CC2D1B: variants seen among roughly 807,000 people sequenced by gnomAD.
CC2D1B encodes coiled-coil and C2 domain-containing protein 1B.
In CC2D1B, 92 loss-of-function variants were observed where a neutral mutation model predicts 110.8. The ratio of observed to expected loss-of-function variants is 0.83; its 90% CI spans 0.70 to 0.99. The LOEUF (loss-of-function observed/expected upper bound fraction) is 0.99, where lower values mean the gene tolerates loss of function less well. Ranked by LOEUF, CC2D1B falls within the 50% of genes least tolerant of loss-of-function variation. The probability of loss-of-function intolerance (pLI) is 0.00; values close to 1 mark genes in which losing one functional copy is unlikely to be tolerated. For missense variants in CC2D1B, 1,136 were observed against 1,089.0 expected, an observed-to-expected ratio of 1.04 and a Z score of -0.61; for synonymous variants, 406 against 429.2, an observed-to-expected ratio of 0.95 and a Z score of 0.67.
Position 52,354,672 on chromosome 1 carries a change from A to G in CC2D1B, c.2366T>C (p.Val789Ala), listed in dbSNP as rs1646605341. 1.2e-6 allele frequency: 2 copies of G among 1,614,162 alleles called. No individual in the cohort carries two copies. The highest frequency in any genetic ancestry group is 1.7e-6 in the Non-Finnish European group (2 of 1,180,040). ...KGSFFRSDKL[V>A]GTAHLKLERL... The stretch of plus-strand genomic sequence containing the variant: ...CTCCAGTTTCAGGTGTGCTGTGCCA[A>G]CCAGCTTGTCGCTTCTGAAGAAGGA... The change falls in exon 23 of 25, where the codon GTT (valine) becomes GCT (alanine). Residue 789 changes from valine to alanine, a missense_variant. By Grantham distance (64) the Val-to-Ala change is moderately conservative. Transcript: ENST00000284376.
In CC2D1B at chr1:52,354,338, TCA is replaced by T. The variant is rs1646594672; in HGVS notation, c.2430+268_2430+269del. On this transcript the variant is annotated intron_variant, in intron 23 of 24. Transcript: ENST00000284376. The stretch of plus-strand genomic sequence containing the variant: ...TCTCGGACCTGAGTTTCCTCATTTG[TCA>T]GAGGCAAGGTCGTATAGTCCTTGCC... 6 of 646,436 alleles carry T rather than the reference TCA, an allele frequency of 9.3e-6. No homozygotes were observed. In the East Asian group the frequency reaches 1.9e-4, roughly 20 times the overall value. The allele number at this position is 646,436 out of a possible 1,614,324, so 40.0% of individuals were successfully genotyped here. A position where few individuals can be genotyped will look rare whatever the true frequency, so the allele number is the denominator to read the frequency against.
chr1:52,353,936 G>T, intron 23 of CC2D1B: 1 of 320,652 alleles, frequency 3.1e-6, no homozygotes. Context: ...ACATTGGCTT[G>T]AAGAAGCAGC....
chr1:52,354,349 G>A lies in CC2D1B; in HGVS notation c.2430+259C>T, dbSNP rs140567182. The stretch of plus-strand genomic sequence containing the variant: ...AGTTTCCTCATTTGTCAGAGGCAAG[G>A]TCGTATAGTCCTTGCCTGTGGAATC... On this transcript the variant is annotated intron_variant, in intron 23 of 24. Transcript: ENST00000284376. The A allele has an allele frequency of 7.5e-3, 4,997 of 664,538 alleles. 47 individuals are homozygous for A. Among genetic ancestry groups the A allele is most frequent in the South Asian group, 0.021 (1,390 of 66,440 alleles). 41.2% of individuals were successfully genotyped at this position (664,538 alleles called of 1,614,324 possible). A position where few individuals can be genotyped will look rare whatever the true frequency, so the allele number is the denominator to read the frequency against.
In CC2D1B at chr1:52,360,796, C is replaced by A. The variant is rs113832140; in HGVS notation, c.477+178G>T. 60 of 911,512 alleles carry A rather than the reference C, an allele frequency of 6.6e-5. No individual in the cohort carries two copies. The South Asian group carries it at 8.4e-4, about 13-fold the overall frequency. 56.5% of individuals were successfully genotyped at this position (911,512 alleles called of 1,614,324 possible). A position where few individuals can be genotyped will look rare whatever the true frequency, so the allele number is the denominator to read the frequency against. ...GGGGTAGTCTAGGAGAACAGAGAGG[C>A]CTTTGAGGCTGGCTGCCACGGAGGA... On this transcript the variant is annotated intron_variant, in intron 5 of 24. Coordinates refer to ENST00000284376, the MANE Select transcript of CC2D1B (RefSeq NM_001330585.2).
chr1:52,358,091 A>T, intron 13 of CC2D1B, 193 bp from the exon 14 acceptor site: 1 of 917,964 alleles, frequency 1.1e-6, no homozygotes, highest in Non-Finnish European at 1.6e-6. Flanking sequence ...TAACCTCCCC[A>T]GCAGGAGAGA....
rs150301377 is a variant in CC2D1B at position 52,359,444 on chromosome 1, A to C, written c.1018+15T>G. 1.7e-4 allele frequency: 278 copies of C among 1,613,968 alleles called. 1 individual carries two copies. In the African/African-American group the frequency reaches 3.0e-3, roughly 17 times the overall value. ...CTCCCCAACCCCACCGCAGCCTGAGAAGATACATACTGACCCTCAGGTGCC... is the reference window on the plus strand; with the variant it reads ...CTCCCCAACCCCACCGCAGCCTGAGCAGATACATACTGACCCTCAGGTGCC... On this transcript the variant is annotated intron_variant, in intron 9 of 24. Transcript: ENST00000284376.
Position 52,354,877 on chromosome 1 carries a change from G to C in CC2D1B, c.2302C>G (p.Gln768Glu). ...RNHRGFKRVI[Q>E]SKGIKFEIFH... ...ATCTCAAACTTGATGCCTTTGCTCT[G>C]GATCACCCTCTTGAAGCCCCGGTGG... Residue 768 changes from glutamine (Q) to glutamate (E), a missense_variant, in exon 22 of 25, where the codon CAG becomes GAG. Transcript: ENST00000284376. 1 of 1,614,212 alleles carries C rather than the reference G, an allele frequency of 6.2e-7. No individual in the cohort carries two copies. The highest frequency in any genetic ancestry group is 8.5e-7 in the Non-Finnish European group (1 of 1,180,048).
At position 52,357,059 on chromosome 1, in the gene CC2D1B, GA is replaced by G; in HGVS notation, c.1819del (p.Ser607ProfsTer72). On this transcript the variant is annotated frameshift_variant, in exon 16 of 25. Coordinates refer to ENST00000284376, the MANE Select transcript of CC2D1B (RefSeq NM_001330585.2). LOFTEE classifies it high-confidence loss of function. ...GGCATACACCTCCTCCGCCTTCTGG[GA>G]GAGTCGCAGGTCCTCATGGTGGATG... Reference protein sequence around the residue: ...ILIHHEDLRLSQKAEEVYAQL... With the variant: ...ILIHHEDLRLXQKAEEVYAQL... 6.2e-7 allele frequency: 1 copy of G among 1,607,494 alleles called. No individual in the cohort carries two copies. The highest frequency in any genetic ancestry group is 8.5e-7 in the Non-Finnish European group (1 of 1,177,018).
Position 52,363,123 on chromosome 1 carries a change from G to A in CC2D1B, c.70-377C>T, listed in dbSNP as rs187909536. 5.1e-3 allele frequency among the ~76,000 whole-genome samples: 783 copies of A among 152,118 alleles called. 2 individuals are homozygous for A. The highest frequency in any genetic ancestry group is 7.3e-3 in the Non-Finnish European group (494 of 67,982). On this transcript the variant is annotated intron_variant, in intron 2 of 24. Transcript: ENST00000284376. ...AAGGTCCTATTTTTTGGCCAGGCGC[G>A]GTGGCTCACGCCTGTAATCCCAGCA...
At chr1:52,359,379 T>G in intron 9 of CC2D1B, 22 bp from the exon 10 acceptor site, 1 of 1,612,886 alleles carries the variant, frequency 6.2e-7, no homozygotes, top group Non-Finnish European at 8.5e-7. Flanking sequence ...AGAGTAGAGG[T>G]GTAGGTGGGA....
At chr1:52,354,768 G>A in intron 22 of CC2D1B, 70 bp from the exon 23 acceptor site, 1 of 1,595,812 alleles carries the variant, frequency 6.3e-7, no homozygotes, top group South Asian at 1.1e-5. Flanking sequence ...CTGAGCCCAT[G>A]CAGGGGCAGC....
chr1:52,354,725 T>C, intron 22 of CC2D1B, 27 bp from the exon 23 acceptor site: 6 of 1,612,658 alleles, frequency 3.7e-6, no homozygotes, highest in Admixed American at 1.7e-5. Context: ...CAGCAGAGGA[T>C]TGGACTGGGC....
chr1:52,355,502 A>G, intron 20 of CC2D1B, 53 bp from the exon 21 acceptor site: 3 of 1,610,018 alleles, frequency 1.9e-6, no homozygotes, highest in East Asian at 2.2e-5. Context: ...AGAGGCACAC[A>G]GGGCAGGCAC....
In CC2D1B at chr1:52,356,211, C is replaced by CA. The variant is rs762503912; in HGVS notation, c.2028dup (p.Glu677Ter). The CA allele has an allele frequency of 7.3e-7, 1 of 1,373,240 alleles. No individual in the cohort carries two copies. Among genetic ancestry groups the CA allele is most frequent in the South Asian group, 1.2e-5 (1 of 86,764 alleles). 85.1% of individuals were successfully genotyped at this position (1,373,240 alleles called of 1,614,324 possible). On this transcript the variant is annotated frameshift_variant, in exon 18 of 25. Coordinates refer to ENST00000284376, the MANE Select transcript of CC2D1B (RefSeq NM_001330585.2). LOFTEE classifies it high-confidence loss of function. Reference sequence around the variant, plus strand: ...CTCACAGTCTGGAATGTCTTCAACTCAAAGTGGTGGGTGGGAGGGTCGAGG... The same window carrying CA: ...CTCACAGTCTGGAATGTCTTCAACTCAAAAGTGGTGGGTGGGAGGGTCGAGG...
At position 52,360,092 on chromosome 1, in the gene CC2D1B, G is replaced by A; in HGVS notation, c.745C>T (p.Pro249Ser). The A allele has an allele frequency of 3.1e-6, 5 of 1,588,844 alleles. No individual in the cohort carries two copies. The highest frequency in any genetic ancestry group is 4.3e-6 in the Non-Finnish European group (5 of 1,168,144). The change falls in exon 7 of 25, where the codon CCC becomes TCC. Residue 249 changes from proline to serine, a missense_variant. Transcript: ENST00000284376. ...NRSPETDPPA[P>S]PALESDNPSQ... ...CAGATACCTGACTCCAAGGCAGGGG[G>A]AGCTGGAGGGTCTGTCTCAGGGCTC... is the stretch of plus-strand genomic sequence containing the variant.
chr1:52,355,526 C>T, intron 20 of CC2D1B, 77 bp from the exon 21 acceptor site: 1 of 1,608,168 alleles, frequency 6.2e-7, no homozygotes, highest in Admixed American at 1.7e-5. Context: ...AGCCACACCT[C>T]CCAGGGATGG....
intron 1 of CC2D1B, among the ~76,000 whole-genome samples, chr1:52,365,548 C>G (rs1276228932): frequency 6.6e-6 from 1 of 152,236 alleles, no homozygotes; most frequent in Non-Finnish European, 1.5e-5. Flanking sequence ...GGCCTGAATG[C>G]ACAAGCCGAG....
Position 52,359,705 on chromosome 1 carries a change from C to T in CC2D1B, c.942G>A (p.Lys314=). ...DRARELMRIG[K]RFGAVLEALE... Reference sequence around the variant, plus strand: ...GGGTGCCCTGAGCCAGATGCCATACCTTCCCAATCCTCATGAGCTCTCGGG... The same window carrying T: ...GGGTGCCCTGAGCCAGATGCCATACTTTCCCAATCCTCATGAGCTCTCGGG... The change falls in exon 8 of 25, where the codon AAG becomes AAA. Residue 314 remains lysine (K), a splice_region_variant and synonymous_variant. Coordinates refer to ENST00000284376, the MANE Select transcript of CC2D1B (RefSeq NM_001330585.2). 6.3e-7 allele frequency: 1 copy of T among 1,596,840 alleles called. No homozygotes were observed. The highest frequency in any genetic ancestry group is 8.5e-7 in the Non-Finnish European group (1 of 1,171,592).
chr1:52,355,534 TGGGAAGAAAGTGAGCACA>T, intron 20 of CC2D1B, 56 bp downstream of exon 20: 1 of 1,608,502 alleles, frequency 6.2e-7, no homozygotes, highest in Non-Finnish European at 8.5e-7. Context: ...CTCCCAGGGA[TGGGAAGAAAGTGAGCACA>T]GGGTCCTGGA....
Sources: allele counts gnomAD v4.1 joint callset (sites outside exome capture counted in the v4.1 genomes callset), GRCh38; gene constraint gnomAD v4.1.1; transcripts MANE v1.5; gene names NCBI Gene and HGNC (gene_info 2026-07-23, HGNC 2026-07-21).